NOL4: variants seen among roughly 807,000 people sequenced by gnomAD.
The protein encoded by NOL4 is cancer/testis antigen 125.
Under a neutral mutation model 75.9 loss-of-function variants are expected in NOL4, and 17 were observed. That is an observed-to-expected ratio of 0.22 (90% CI 0.15 to 0.34). NOL4 has a LOEUF of 0.34. Ranked by LOEUF, NOL4 falls within the 10% of genes least tolerant of loss-of-function variation. The pLI is 1.00. For synonymous variants in NOL4, 292 were observed against 289.9 expected (o/e 1.01, Z -0.07); for missense variants, 614 against 793.5 (o/e 0.77, Z 2.72).
Position 34,054,397 on chromosome 18 carries a change from A to G in NOL4, c.773-34796T>C, listed in dbSNP as rs564592486. ...TGGGAACTCTGATATTGGGTGCACG[A>G]ATATTTATAAAATATTATATATTTT... On this transcript the variant is annotated intron_variant, in intron 5 of 10. Coordinates refer to ENST00000261592, the MANE Select transcript of NOL4 (RefSeq NM_003787.5). Among the ~76,000 whole-genome samples the G allele has an allele frequency of 8.6e-5, 13 of 152,036 alleles. No individual in the cohort carries two copies. The South Asian group carries it at 2.7e-3, about 32-fold the overall frequency.
intron 4 of NOL4, among the ~76,000 whole-genome samples, chr18:34,097,529 T>C (rs2078844267): frequency 6.6e-6 from 1 of 152,216 alleles, no homozygotes; most frequent in South Asian, 2.1e-4. Flanking sequence ...AATGATGGAA[T>C]TGCTCTATAA....
chr18:34,196,689 C>A (rs1294930892), intron 1 of NOL4, among the ~76,000 whole-genome samples: 1 of 152,056 alleles, frequency 6.6e-6, no homozygotes, highest in Non-Finnish European at 1.5e-5. Flanking sequence ...CAGAAAACAG[C>A]AGAAAGGGAC....
intron 1 of NOL4, among the ~76,000 whole-genome samples, chr18:34,139,434 A>T (rs2081045549): frequency 6.6e-6 from 1 of 152,060 alleles, no homozygotes; most frequent in Non-Finnish European, 1.5e-5. Flanking sequence ...GAATTTATCT[A>T]TTTCTTCTAG....
chr18:34,024,647 G>A (rs2075255575), intron 5 of NOL4, among the ~76,000 whole-genome samples: 2 of 152,014 alleles, frequency 1.3e-5, no homozygotes, highest in South Asian at 4.1e-4. Flanking sequence ...CCTTTACTCT[G>A]CAACACAAAG....
rs58532076 is a variant in NOL4, at chr18:33,918,472, C to CA, written c.1542+24592dup. 9.6e-3 allele frequency among the ~76,000 whole-genome samples: 1,464 copies of CA among 152,150 alleles called. 26 individuals are homozygous for CA. The highest frequency in any genetic ancestry group is 0.033 in the African/African-American group (1,371 of 41,474). ...AATATAGCAAGTATCCTCTCAAGGG[C>CA]AAAACCACATCTTCACCCATGCTAA... On this transcript the variant is annotated intron_variant, in intron 9 of 10. Coordinates refer to ENST00000261592, the MANE Select transcript of NOL4 (RefSeq NM_003787.5).
intron 2 of NOL4, chr18:34,121,117 A>G (rs1442318312): frequency 1.3e-5 from 2 of 152,214 alleles, no homozygotes; most frequent in Admixed American, 6.5e-5. Flanking sequence ...CATGTTCACT[A>G]TTCATAAAAT....
chr18:34,172,501 A>C (rs73418498), intron 1 of NOL4, among the ~76,000 whole-genome samples: 13,537 of 152,140 alleles, frequency 0.089, 1,218 homozygotes, highest in African/African-American at 0.23. Flanking sequence ...GAGTGCAGAT[A>C]TCTCTTCAAG....
At chr18:34,211,035 G>A (rs191482727) in intron 1 of NOL4, among the ~76,000 whole-genome samples, 1 of 151,786 alleles carries the variant, frequency 6.6e-6, no homozygotes, top group Admixed American at 6.6e-5. Context: ...AGCCGAGATC[G>A]CAGCACTGCA....
At chr18:34,085,611 G>A (rs555890218) in intron 5 of NOL4, among the ~76,000 whole-genome samples, 6 of 152,174 alleles carry the variant, frequency 3.9e-5, no homozygotes, top group South Asian at 2.1e-4. Context: ...ACAAGCACTC[G>A]TTTATATGAA....
intron 6 of NOL4, among the ~76,000 whole-genome samples, chr18:33,976,764 G>T (rs565755977): frequency 7.6e-4 from 116 of 152,214 alleles, no homozygotes; most frequent in African/African-American, 2.4e-3. Flanking sequence ...AGCCTTGAAG[G>T]TGATTTGAAC....
At chr18:34,163,408 T>G (rs1401211131) in intron 1 of NOL4, among the ~76,000 whole-genome samples, 2 of 151,712 alleles carry the variant, frequency 1.3e-5, no homozygotes, top group Non-Finnish European at 2.9e-5. Context: ...GGATACAAAA[T>G]CAATGTACAA....
intron 10 of NOL4, among the ~76,000 whole-genome samples, chr18:33,854,826 G>A (rs536013112): frequency 6.6e-6 from 1 of 151,852 alleles, no homozygotes; most frequent in African/African-American, 2.4e-5. Context: ...AATTGAGAAA[G>A]GGTTGAGGCT....
intron 9 of NOL4, among the ~76,000 whole-genome samples, chr18:33,884,454 C>G (rs1302608130): frequency 2.6e-5 from 4 of 152,034 alleles, no homozygotes; most frequent in African/African-American, 9.7e-5. Flanking sequence ...TTCAATCATT[C>G]TAATCATGTC....
At chr18:34,190,646 A>G (rs1010031767) in intron 1 of NOL4, among the ~76,000 whole-genome samples, 3 of 151,838 alleles carry the variant, frequency 2.0e-5, no homozygotes, top group African/African-American at 4.8e-5. Context: ...GGTCAAAGGA[A>G]GAGTACAAAG....
chr18:34,084,558 T>C (rs2078160945), intron 5 of NOL4, among the ~76,000 whole-genome samples: 1 of 152,198 alleles, frequency 6.6e-6, no homozygotes. Flanking sequence ...TCAAATACTG[T>C]GTGTGGCTCC....
At chr18:34,075,534 A>C (rs1386687409) in intron 5 of NOL4, among the ~76,000 whole-genome samples, 5 of 152,152 alleles carry the variant, frequency 3.3e-5, no homozygotes, top group Admixed American at 2.6e-4. Context: ...TGGCACTCAA[A>C]AATTTCAGAC....
In NOL4 at chr18:34,202,158, C is replaced by T. The variant is rs913505955; in HGVS notation, c.264+20832G>A. On this transcript the variant is annotated intron_variant, in intron 1 of 10. Coordinates refer to ENST00000261592, the MANE Select transcript of NOL4 (RefSeq NM_003787.5). ...AAAGTCAGTCCAAATCCCACTTTTA[C>T]TCTAATTTAATTATTATATTAAGTG... 5.9e-5 allele frequency among the ~76,000 whole-genome samples: 9 copies of T among 151,872 alleles called. No homozygotes were observed. The East Asian group carries it at 1.7e-3, about 29-fold the overall frequency.
intron 1 of NOL4, among the ~76,000 whole-genome samples, chr18:34,160,799 A>G (rs894937313): frequency 6.6e-6 from 1 of 152,176 alleles, no homozygotes; most frequent in Non-Finnish European, 1.5e-5. Context: ...CACCTCAAAC[A>G]TTTGTTATTT....
chr18:33,937,840 C>G (rs572710685), intron 9 of NOL4, among the ~76,000 whole-genome samples: 5 of 152,220 alleles, frequency 3.3e-5, no homozygotes, highest in African/African-American at 1.2e-4. Flanking sequence ...GCATAAACAG[C>G]TCTCCAGATG....
Sources: allele counts gnomAD v4.1 joint callset (sites outside exome capture counted in the v4.1 genomes callset), GRCh38; gene constraint gnomAD v4.1.1; transcripts MANE v1.5; gene names NCBI Gene and HGNC (gene_info 2026-07-23, HGNC 2026-07-21).